ZNF57: variants seen among roughly 807,000 people sequenced by gnomAD.
ZNF57 encodes zinc finger protein 57.
In ZNF57, 11 loss-of-function variants were observed where a neutral mutation model predicts 13.4. That is an observed-to-expected ratio of 0.82 (90% confidence interval 0.52 to 1.36). The LOEUF is 1.36. Among genes scored for constraint, ZNF57 ranks in the 40% most tolerant of loss-of-function variants. ZNF57 has a pLI of 0.00. For missense variants in ZNF57, 696 were observed against 667.5 expected (o/e 1.04, Z -0.47); for synonymous variants, 224 against 238.5 (o/e 0.94, Z 0.56).
intron 1 of ZNF57, among the ~76,000 whole-genome samples, chr19:2,907,810 T>C (rs1426099744): frequency 1.3e-5 from 2 of 152,216 alleles, no homozygotes; most frequent in Non-Finnish European, 2.9e-5. Flanking sequence ...TGGGCTCAAG[T>C]GATCCTGCTG....
At chr19:2,911,521 A>G (rs1409558438) in intron 1 of ZNF57, among the ~76,000 whole-genome samples, 1 of 145,396 alleles carries the variant, frequency 6.9e-6, no homozygotes, top group African/African-American at 2.6e-5. Context: ...CGACAGAGGG[A>G]GAGTCTGTCT....
chr19:2,915,842 A>C (rs1478072151), intron 2 of ZNF57, 194 bp downstream of exon 2: 8 of 1,063,412 alleles, frequency 7.5e-6, no homozygotes, highest in Non-Finnish European at 2.8e-6. Flanking sequence ...CTTGGTTTAA[A>C]GGACTTGAAG....
intron 1 of ZNF57, among the ~76,000 whole-genome samples, chr19:2,907,598 T>C (rs892607041): frequency 4.6e-5 from 7 of 152,232 alleles, no homozygotes; most frequent in South Asian, 2.1e-4. Context: ...ACTGGCAAGA[T>C]TGACAGCTCT....
At chr19:2,909,275 A>AT (rs1258331033) in intron 1 of ZNF57, among the ~76,000 whole-genome samples, 11 of 103,818 alleles carry the variant, frequency 1.1e-4, no homozygotes, top group East Asian at 1.0e-3. Context: ...TATTTTATTT[A>AT]TTTTTGTTTT....
chr19:2,906,261 C>T (rs1007001805), intron 1 of ZNF57, among the ~76,000 whole-genome samples: 2 of 152,172 alleles, frequency 1.3e-5, no homozygotes, highest in South Asian at 2.1e-4. Flanking sequence ...GCTGTGTTGC[C>T]CAGGCTGGTC....
chr19:2,917,729 G>C lies in ZNF57; in HGVS notation c.1108G>C (p.Gly370Arg). ...GAAACCTTATGAGTGTAAACAATGT[G>C]GGAAAGCCTTCACTTGGTCCTCAAC... ...GEKPYECKQC[G>R]KAFTWSSTFR... The change falls in exon 4 of 4, where the codon GGG becomes CGG. Residue 370 changes from glycine (G) to arginine (R), a missense_variant. Physicochemically the swap from Gly to Arg is moderately radical, Grantham distance 125. This residue lies in a region of ZNF57 where 645 missense variants were observed against 591.5 expected (regional missense o/e 1.09). Coordinates refer to ENST00000306908, the MANE Select transcript of ZNF57 (RefSeq NM_173480.3). 6.2e-7 allele frequency: 1 copy of C among 1,613,798 alleles called. No homozygotes were observed.
At chr19:2,901,899 C>G (rs891543553) in intron 1 of ZNF57, among the ~76,000 whole-genome samples, 2 of 152,062 alleles carry the variant, frequency 1.3e-5, no homozygotes, top group African/African-American at 4.8e-5. Flanking sequence ...TTACAAAGTA[C>G]ATTCTCAAGG....
rs1468174877 is a variant in ZNF57, at chr19:2,916,071, G to C, written c.131-7G>C. ...CCTTTTGAGATTTGTTTACTTTTTT[G>C]TTGCAGATGATGGGACTCAATTTAA... is the stretch of plus-strand genomic sequence containing the variant. On this transcript the variant is annotated splice_polypyrimidine_tract_variant and splice_region_variant and intron_variant, in intron 2 of 3. Transcript: ENST00000306908. 1 of 1,600,736 alleles carries C rather than the reference G, an allele frequency of 6.2e-7. No individual in the cohort carries two copies. Among genetic ancestry groups the C allele is most frequent in the Non-Finnish European group, 8.5e-7 (1 of 1,175,512 alleles).
chr19:2,904,995 T>C (rs2088060321), intron 1 of ZNF57, among the ~76,000 whole-genome samples: 2 of 152,174 alleles, frequency 1.3e-5, no homozygotes, highest in Non-Finnish European at 2.9e-5. Context: ...GATGTGGATG[T>C]TCCTTATTCT....
At position 2,916,267 on chromosome 19, in the gene ZNF57, G is replaced by A. The variant is rs542939345; in HGVS notation, c.302+18G>A. 6.1e-5 allele frequency: 96 copies of A among 1,577,104 alleles called. No individual in the cohort carries two copies. In the South Asian group the frequency reaches 1.1e-3, roughly 18 times the overall value. On this transcript the variant is annotated intron_variant, in intron 3 of 3. Coordinates refer to ENST00000306908, the MANE Select transcript of ZNF57 (RefSeq NM_173480.3). ...AATCTGAGGTGAGTTGCACTCACAA[G>A]AGAAAAATCCTTGTATGCAATTAAA...
intron 1 of ZNF57, chr19:2,907,002 CG>C (rs1268836141): frequency 7.0e-6 from 1 of 143,428 alleles, no homozygotes; most frequent in Admixed American, 7.3e-5. Flanking sequence ...GAGGCTGGAG[CG>C]GAGGCTTCGA....
intron 1 of ZNF57, among the ~76,000 whole-genome samples, chr19:2,914,652 T>C (rs1055209689): frequency 1.3e-5 from 2 of 152,204 alleles, no homozygotes; most frequent in Admixed American, 6.5e-5. Context: ...GTATTGTCAA[T>C]GCGAGGCTTA....
rs140126572 is a variant in ZNF57, at chr19:2,905,405, T to TCCC, written c.3+4358_3+4359insCCC. ...GTCTCGAACTCTTGACTTCAGGTGA[T>TCCC]CGCCCCCCCCCCCTCGGCATTCCAA... On this transcript the variant is annotated intron_variant, in intron 1 of 3. Transcript: ENST00000306908. 9.7e-4 allele frequency among the ~76,000 whole-genome samples: 46 copies of TCCC among 47,534 alleles called. 12 individuals carry two copies. Among genetic ancestry groups the TCCC allele is most frequent in the Non-Finnish European group, 1.2e-3 (30 of 24,830 alleles). The allele number at this position is 47,534 out of a possible 152,430, so 31.2% of individuals were successfully genotyped here.
Position 2,900,973 on chromosome 19 carries a change from C to T in ZNF57, c.-73C>T. 1.3e-6 allele frequency: 2 copies of T among 1,546,028 alleles called. No individual in the cohort carries two copies. The highest frequency in any genetic ancestry group is 8.7e-7 in the Non-Finnish European group (1 of 1,143,540). ...GCCTACCACGAGCGGCCCGGGAGTA[C>T]CTGTACCTTTCAGCTGCGCCGGCCG... On this transcript the variant is annotated 5_prime_UTR_variant, in exon 1 of 4. Transcript: ENST00000306908.
At chr19:2,904,631 T>A (rs139876357) in intron 1 of ZNF57, among the ~76,000 whole-genome samples, 3,785 of 152,214 alleles carry the variant, frequency 0.025, 62 homozygotes, top group Non-Finnish European at 0.039. Context: ...AACCTCCACC[T>A]CCCGGGTTCA....
At chr19:2,906,315 A>G (rs763346407) in intron 1 of ZNF57, among the ~76,000 whole-genome samples, 8 of 152,148 alleles carry the variant, frequency 5.3e-5, no homozygotes, top group Non-Finnish European at 8.8e-5. Flanking sequence ...CAGCCTCCCA[A>G]AGTGCTGGGA....
Position 2,917,037 on chromosome 19 carries a change from CAT to C in ZNF57, c.419_420del (p.Tyr140Ter). The C allele has an allele frequency of 6.2e-7, 1 of 1,614,134 alleles. No individual in the cohort carries two copies. ...AAGAAAGTTTCTGCTGGAGAAAAAC[CAT>C]ATGAATGCACCAAGTGCAGGACAGT... On this transcript the variant is annotated frameshift_variant, in exon 4 of 4. Transcript: ENST00000306908. LOFTEE classifies it low-confidence loss of function (END_TRUNC).
rs755132120 is a variant in ZNF57 at position 2,917,791 on chromosome 19, G to C, written c.1170G>C (p.Gln390His). The change falls in exon 4 of 4, where the codon CAG becomes CAC. Residue 390 changes from glutamine (Q) to histidine (H), a missense_variant. Transcript: ENST00000306908. The part of the protein sequence containing the change: ...REHVRIHTQE[Q>H]LYKCEQCGKA... The stretch of plus-strand genomic sequence containing the variant: ...ATGTGAGAATTCACACGCAAGAGCA[G>C]CTCTATAAATGTGAACAATGTGGGA... The C allele has an allele frequency of 3.7e-6, 6 of 1,602,086 alleles. No individual in the cohort carries two copies. The highest frequency in any genetic ancestry group is 5.1e-6 in the Non-Finnish European group (6 of 1,175,200).
intron 1 of ZNF57, among the ~76,000 whole-genome samples, chr19:2,909,281 G>GTTTTTTTTTTT (rs753880478): frequency 1.9e-5 from 2 of 107,176 alleles, no homozygotes; most frequent in Non-Finnish European, 3.6e-5. Context: ...ATTTATTTTT[G>GTTTTTTTTTTT]TTTTTTTTTT....
Sources: allele counts gnomAD v4.1 joint callset (sites outside exome capture counted in the v4.1 genomes callset), GRCh38; gene constraint gnomAD v4.1.1; regional missense constraint gnomAD v4.1.1; transcripts MANE v1.5; gene names NCBI Gene and HGNC (gene_info 2026-07-23, HGNC 2026-07-21).